The following KPNA4 variants were observed in gnomAD, a reference collection of about 807,000 sequenced individuals.
KPNA4 encodes the protein importin subunit alpha-3.
A neutral mutation model predicts 71.3 loss-of-function variants in KPNA4; 13 were observed. The observed-to-expected ratio is 0.18, with a 90% CI of 0.12 to 0.29. The LOEUF (loss-of-function observed/expected upper bound fraction) is 0.29. KPNA4 is among the 10% of genes least tolerant of loss of function. The probability of loss-of-function intolerance (pLI) is 1.00; values close to 1 mark genes in which losing one functional copy is unlikely to be tolerated. For synonymous variants in KPNA4, 189 were observed against 195.2 expected (o/e 0.97, Z 0.26); for missense variants, 334 against 603.2 (o/e 0.55, Z 4.67).
rs557493755 is a variant in KPNA4, at chr3:160,500,104, T to C, written c.*2000A>G. The C allele has an allele frequency of 2.6e-5, 4 of 152,012 alleles. No homozygotes were observed. The highest frequency in any genetic ancestry group is 6.6e-5 in the Admixed American group (1 of 15,244). 9.4% of individuals were successfully genotyped at this position (152,012 alleles called of 1,614,324 possible). On this transcript the variant is annotated 3_prime_UTR_variant, in exon 17 of 17. Transcript: ENST00000334256. ...AAAGACAGGAAGCTAATGTAAGCCA[T>C]TGAATTATACTCTAACTTTATAAAA...
At chr3:160,541,810 T>A (rs1299947496) in intron 1 of KPNA4, among the ~76,000 whole-genome samples, 1 of 152,128 alleles carries the variant, frequency 6.6e-6, no homozygotes, top group African/African-American at 2.4e-5. Flanking sequence ...AGACACTGCA[T>A]ATCTATGCCC....
chr3:160,507,159 T>C (rs1720999782), intron 15 of KPNA4, among the ~76,000 whole-genome samples: 1 of 152,136 alleles, frequency 6.6e-6, no homozygotes, highest in African/African-American at 2.4e-5. Context: ...GTTTCGAAAC[T>C]ATTGCCCTAA....
intron 1 of KPNA4, among the ~76,000 whole-genome samples, chr3:160,543,862 T>C (rs887397338): frequency 3.4e-5 from 5 of 148,604 alleles, no homozygotes; most frequent in Admixed American, 1.3e-4. Context: ...ATCCTTGACC[T>C]TTTTTTTTTC....
At position 160,502,022 on chromosome 3, in the gene KPNA4, GTATATA is replaced by G. The variant is rs113978211; in HGVS notation, c.*76_*81del. ...ATGGATCAAACCTTTTTATATATAT[GTATATA>G]TATATATATATACACACACACATAT... is the stretch of plus-strand genomic sequence containing the variant. On this transcript the variant is annotated 3_prime_UTR_variant, in exon 17 of 17. Transcript: ENST00000334256. 7 of 331,636 alleles carry G rather than the reference GTATATA, an allele frequency of 2.1e-5. No homozygotes were observed. The highest frequency in any genetic ancestry group is 6.6e-5 in the East Asian group (1 of 15,054). The allele number at this position is 331,636 out of a possible 1,614,324, so 20.5% of individuals were successfully genotyped here. A position where few individuals can be genotyped will look rare whatever the true frequency, so the allele number is the denominator to read the frequency against.
At chr3:160,515,677 C>T (rs1721200724) in intron 11 of KPNA4, 97 bp from the exon 12 acceptor site, 17 of 1,336,408 alleles carry the variant, frequency 1.3e-5, no homozygotes, top group South Asian at 1.2e-4. Flanking sequence ...TGCAGTGGTG[C>T]GATCTCAGCT....
At position 160,516,294 on chromosome 3, in the gene KPNA4, A is replaced by C. The variant is rs185854296; in HGVS notation, c.904-714T>G. ...GGCATGAGCCACTGCACCCTGCTCC[A>C]AGAAACCTATTCTTTTTGAGCACTT... On this transcript the variant is annotated intron_variant, in intron 11 of 16. Coordinates refer to ENST00000334256, the MANE Select transcript of KPNA4 (RefSeq NM_002268.5). Among the ~76,000 whole-genome samples the C allele has an allele frequency of 1.6e-3, 238 of 150,954 alleles. 1 individual carries two copies. Among genetic ancestry groups the C allele is most frequent in the Non-Finnish European group, 2.7e-3 (184 of 68,010 alleles).
At chr3:160,558,399 G>T (rs527872909) in intron 1 of KPNA4, among the ~76,000 whole-genome samples, 2 of 152,326 alleles carry the variant, frequency 1.3e-5, no homozygotes, top group Admixed American at 1.3e-4. Flanking sequence ...GACTATGTAA[G>T]TTGGCAGAAA....
At chr3:160,541,322 G>C (rs1721791536) in intron 1 of KPNA4, among the ~76,000 whole-genome samples, 1 of 151,870 alleles carries the variant, frequency 6.6e-6, no homozygotes, top group Non-Finnish European at 1.5e-5. Context: ...TCTCACTAGA[G>C]AAAAATGTTA....
intron 1 of KPNA4, among the ~76,000 whole-genome samples, chr3:160,562,034 C>G (rs1722254625): frequency 6.6e-6 from 1 of 152,096 alleles, no homozygotes; most frequent in Non-Finnish European, 1.5e-5. Context: ...TCAAATTAAA[C>G]TAAACTCTAG....
chr3:160,531,220 A>G (rs1215053218), intron 6 of KPNA4, among the ~76,000 whole-genome samples: 1 of 152,130 alleles, frequency 6.6e-6, no homozygotes, highest in African/African-American at 2.4e-5. Flanking sequence ...CTATCTGGTC[A>G]AACTAGTTCT....
chr3:160,565,566 C>G lies in KPNA4; in HGVS notation c.-284G>C, dbSNP rs1470814089. The G allele has an allele frequency of 4.9e-5, 25 of 514,080 alleles. No homozygotes were observed. The highest frequency in any genetic ancestry group is 2.2e-4 in the South Asian group (8 of 36,390). 31.8% of individuals were successfully genotyped at this position (514,080 alleles called of 1,614,324 possible). ...GCCGGCTGAGAGGGGGAGGCAGCCT[C>G]GATCTGAGGGCCCCGGCGCTGCGGC... On this transcript the variant is annotated 5_prime_UTR_variant, in exon 1 of 17. Coordinates refer to ENST00000334256, the MANE Select transcript of KPNA4 (RefSeq NM_002268.5).
At position 160,508,145 on chromosome 3, in the gene KPNA4, T is replaced by G; in HGVS notation, c.1334A>C (p.Glu445Ala). 1 of 1,609,584 alleles carries G rather than the reference T, an allele frequency of 6.2e-7. No individual in the cohort carries two copies. Among genetic ancestry groups the G allele is most frequent in the Non-Finnish European group, 8.5e-7 (1 of 1,178,254 alleles). ...TATAAGATTGCCTATGGTTTCTGCC[T>G]CATCTTCAGCCATTTTTAATATATT... Reference protein sequence around the residue: ...LSNILKMAEDEAETIGNLIEE... With the variant: ...LSNILKMAEDAAETIGNLIEE... Residue 445 changes from glutamate to alanine, a missense_variant, in exon 15 of 17, where the codon GAG becomes GCG. Transcript: ENST00000334256.
intron 1 of KPNA4, among the ~76,000 whole-genome samples, chr3:160,540,417 T>C (rs115962967): frequency 3.3e-5 from 5 of 152,324 alleles, no homozygotes; most frequent in African/African-American, 1.2e-4. Flanking sequence ...AGTAACAACA[T>C]AAGACCAGGC....
At chr3:160,504,830 G>A in intron 16 of KPNA4, 128 bp downstream of exon 16, 2 of 387,244 alleles carry the variant, frequency 5.2e-6, no homozygotes, top group Non-Finnish European at 4.5e-6. Context: ...TGACATTACT[G>A]TCATACATCT....
chr3:160,551,918 A>G (rs1467628815), intron 1 of KPNA4, among the ~76,000 whole-genome samples: 1 of 120,130 alleles, frequency 8.3e-6, no homozygotes, highest in African/African-American at 3.2e-5. Flanking sequence ...ATTTCTGAAG[A>G]CTGTTCTTGG....
intron 5 of KPNA4, among the ~76,000 whole-genome samples, chr3:160,534,432 A>G (rs1311891585): frequency 1.3e-5 from 2 of 152,164 alleles, no homozygotes; most frequent in African/African-American, 4.8e-5. Context: ...AGAAATGTGC[A>G]AAACAGGCAG....
chr3:160,552,563 T>C (rs963676290), intron 1 of KPNA4, among the ~76,000 whole-genome samples: 1 of 152,138 alleles, frequency 6.6e-6, no homozygotes, highest in Non-Finnish European at 1.5e-5. Context: ...CGGGAGAAAC[T>C]AACATTGAGT....
chr3:160,552,790 A>C (rs1005477180), intron 1 of KPNA4, among the ~76,000 whole-genome samples: 1 of 152,204 alleles, frequency 6.6e-6, no homozygotes, highest in African/African-American at 2.4e-5. Context: ...GAAGAGGAGA[A>C]CACCACTAAT....
chr3:160,495,348 T>C lies in KPNA4; in HGVS notation c.*6756A>G, dbSNP rs976484836. ...AGCCAGGATGCAAACAAACATTTCC[T>C]ATCTGCTGTGTATTTTCTTGCTCCC... is the stretch of plus-strand genomic sequence containing the variant. On this transcript the variant is annotated 3_prime_UTR_variant, in exon 17 of 17. Coordinates refer to ENST00000334256, the MANE Select transcript of KPNA4 (RefSeq NM_002268.5). 3 of 152,214 alleles carry C rather than the reference T, an allele frequency of 2.0e-5. No homozygotes were observed. Among genetic ancestry groups the C allele is most frequent in the African/African-American group, 7.2e-5 (3 of 41,448 alleles). The allele number at this position is 152,214 out of a possible 1,614,324, so 9.4% of individuals were successfully genotyped here. A position where few individuals can be genotyped will look rare whatever the true frequency, so the allele number is the denominator to read the frequency against.
Sources: gnomAD v4.1 joint callset for allele counts (sites outside exome capture counted in the v4.1 genomes callset) on GRCh38, gnomAD v4.1.1 for gene constraint, MANE v1.5 for transcripts, NCBI Gene and HGNC (gene_info 2026-07-23, HGNC 2026-07-21) for gene names.